Variants in BRAF observed in about 807,000 individuals in gnomAD.
BRAF encodes the protein B-Raf proto-oncogene, serine/threonine kinase.
Under a neutral mutation model 104.6 loss-of-function variants are expected in BRAF, and 16 were observed. That is an observed-to-expected ratio of 0.15 (90% CI 0.10 to 0.23). The LOEUF is 0.23. BRAF is among the 10% of genes least tolerant of loss of function. The probability of loss-of-function intolerance (pLI) is 1.00; values close to 1 mark genes in which losing one functional copy is unlikely to be tolerated. For missense variants in BRAF, 541 were observed against 937.3 expected (o/e 0.58, Z 5.52); for synonymous variants, 310 against 341.6 (o/e 0.91, Z 1.02).
At chr7:140,853,966 A>T (rs182631202) in intron 1 of BRAF, among the ~76,000 whole-genome samples, 13 of 151,222 alleles carry the variant, frequency 8.6e-5, no homozygotes, top group Admixed American at 2.0e-4. Context: ...ATATTTGTTT[A>T]AAAAAAAATG....
chr7:140,760,809 T>C (rs556990142), intron 14 of BRAF, among the ~76,000 whole-genome samples: 1 of 151,450 alleles, frequency 6.6e-6, no homozygotes, highest in East Asian at 1.9e-4. Flanking sequence ...ATGAAATGAA[T>C]GAAATGAAGC....
At chr7:140,918,968 T>C (rs1321119960) in intron 1 of BRAF, among the ~76,000 whole-genome samples, 1 of 151,482 alleles carries the variant, frequency 6.6e-6, no homozygotes, top group African/African-American at 2.4e-5. Flanking sequence ...TGAAACCCCG[T>C]CTCTACTAAA....
rs980547106 is a variant in BRAF at position 140,797,917 on chromosome 7, C to T, written c.980+2445G>A. On this transcript the variant is annotated intron_variant, in intron 7 of 19. Coordinates refer to ENST00000644969, the MANE Select transcript of BRAF (RefSeq NM_001374258.1). ...TGCACACAAGTAGTGATAGAGCCAA[C>T]GGGAATAAAATGACTCCACTAGAAG... Among the ~76,000 whole-genome samples the T allele has an allele frequency of 3.3e-5, 5 of 152,134 alleles. No individual in the cohort carries two copies. In the East Asian group the frequency reaches 5.8e-4, roughly 18 times the overall value.
At chr7:140,923,648 T>A (rs1818510208) in intron 1 of BRAF, among the ~76,000 whole-genome samples, 1 of 152,198 alleles carries the variant, frequency 6.6e-6, no homozygotes. Context: ...AAGAGCCAAG[T>A]GAAACCTGAT....
At chr7:140,772,570 A>T (rs936053505) in intron 14 of BRAF, among the ~76,000 whole-genome samples, 2 of 151,824 alleles carry the variant, frequency 1.3e-5, no homozygotes, top group African/African-American at 4.8e-5. Flanking sequence ...GAGCTGAGAG[A>T]GTGTCGCTGC....
chr7:140,882,371 C>CTTTTTT (rs1232247923), intron 1 of BRAF, among the ~76,000 whole-genome samples: 1 of 126,644 alleles, frequency 7.9e-6, no homozygotes, highest in East Asian at 2.3e-4. Flanking sequence ...ATCAAAGTAT[C>CTTTTTT]TTTTTTTTTT....
chr7:140,787,802 T>A (rs1284616682), intron 8 of BRAF, among the ~76,000 whole-genome samples: 1 of 152,204 alleles, frequency 6.6e-6, no homozygotes, highest in Non-Finnish European at 1.5e-5. Flanking sequence ...GAAACAATTA[T>A]TAGTCCTAAT....
intron 18 of BRAF, among the ~76,000 whole-genome samples, chr7:140,738,806 G>A (rs921944853): frequency 1.8e-4 from 27 of 151,806 alleles, no homozygotes; most frequent in Admixed American, 1.7e-3. Flanking sequence ...TAGTAGAGAC[G>A]GTTTTCACCA....
chr7:140,869,642 A>G, intron 1 of BRAF, among the ~76,000 whole-genome samples: 1 of 151,862 alleles, frequency 6.6e-6, no homozygotes, highest in East Asian at 1.9e-4. Context: ...CAAACAAAAA[A>G]AAAAAAAGAA....
In BRAF at chr7:140,912,030, A is replaced by G. The variant is rs537868393; in HGVS notation, c.138+12536T>C. Reference sequence around the variant, plus strand: ...AATAACTTAATATTGCCATTAGCCTATAGTCCTGGCTACTCGGGAAGCTGA... The same window carrying G: ...AATAACTTAATATTGCCATTAGCCTGTAGTCCTGGCTACTCGGGAAGCTGA... On this transcript the variant is annotated intron_variant, in intron 1 of 19. Transcript: ENST00000644969. 1.1e-4 allele frequency among the ~76,000 whole-genome samples: 16 copies of G among 152,322 alleles called. No homozygotes were observed. The South Asian group carries it at 1.5e-3, about 14-fold the overall frequency.
chr7:140,798,422 A>G (rs1002337136), intron 7 of BRAF, among the ~76,000 whole-genome samples: 7 of 150,750 alleles, frequency 4.6e-5, no homozygotes, highest in Admixed American at 4.6e-4. Context: ...ACGCCCGGCT[A>G]ATTTTGTTTT....
intron 1 of BRAF, among the ~76,000 whole-genome samples, chr7:140,892,325 T>C (rs1050950011): frequency 6.6e-6 from 1 of 152,180 alleles, no homozygotes; most frequent in East Asian, 1.9e-4. Flanking sequence ...ACTATGCTAA[T>C]ATCCAATTAT....
chr7:140,924,750 G>C lies in BRAF; in HGVS notation c.-47C>G, dbSNP rs1257000984. ...CCGAGCGGCCGCTGTCGGGCGGGGA[G>C]GGGGAAGGGAGGCGGAGAGCTGGGG... On this transcript the variant is annotated 5_prime_UTR_variant, in exon 1 of 20. Coordinates refer to ENST00000644969, the MANE Select transcript of BRAF (RefSeq NM_001374258.1). This position sits in a 1 kb window ranked among gnomAD's most constrained non-coding sequence, Gnocchi z 4.2. 1.4e-6 allele frequency: 1 copy of C among 704,596 alleles called. No individual in the cohort carries two copies. Among genetic ancestry groups the C allele is most frequent in the Non-Finnish European group, 2.4e-6 (1 of 417,508 alleles). 43.6% of individuals were successfully genotyped at this position (704,596 alleles called of 1,614,324 possible). A position where few individuals can be genotyped will look rare whatever the true frequency, so the allele number is the denominator to read the frequency against.
At chr7:140,790,168 A>T (rs1172907831) in intron 8 of BRAF, among the ~76,000 whole-genome samples, 2 of 152,210 alleles carry the variant, frequency 1.3e-5, no homozygotes, top group African/African-American at 4.8e-5. Context: ...GAACTACAAG[A>T]CAAAGGCCAT....
At chr7:140,866,746 T>C (rs1811008842) in intron 1 of BRAF, among the ~76,000 whole-genome samples, 1 of 152,084 alleles carries the variant, frequency 6.6e-6, no homozygotes, top group South Asian at 2.1e-4. Flanking sequence ...CATGACCTAG[T>C]GTAAGTAATG....
At chr7:140,761,532 A>G (rs1389491692) in intron 14 of BRAF, among the ~76,000 whole-genome samples, 1 of 152,110 alleles carries the variant, frequency 6.6e-6, no homozygotes, top group Non-Finnish European at 1.5e-5. Context: ...AAATTCACAC[A>G]TAACAATATT....
chr7:140,918,628 C>CA (rs1817875873), intron 1 of BRAF, among the ~76,000 whole-genome samples: 1 of 152,118 alleles, frequency 6.6e-6, no homozygotes, highest in Non-Finnish European at 1.5e-5. Context: ...CTGTTGCAGC[C>CA]AATTTGGCTG....
Position 140,720,865 on chromosome 7 carries a change from G to A in BRAF, c.*5629C>T, listed in dbSNP as rs910307240. 11 of 1,062,062 alleles carry A rather than the reference G, an allele frequency of 1.0e-5. No individual in the cohort carries two copies. In the East Asian group the frequency reaches 1.5e-4, roughly 14 times the overall value. 65.8% of individuals were successfully genotyped at this position (1,062,062 alleles called of 1,614,324 possible). A position where few individuals can be genotyped will look rare whatever the true frequency, so the allele number is the denominator to read the frequency against. Reference sequence around the variant, plus strand: ...TTCATCAAAACCCCCAATCCCACCCGTCAACAGACCCTTCCTTTGCGGCAT... The same window carrying A: ...TTCATCAAAACCCCCAATCCCACCCATCAACAGACCCTTCCTTTGCGGCAT... On this transcript the variant is annotated 3_prime_UTR_variant, in exon 20 of 20. Transcript: ENST00000644969.
chr7:140,795,480 T>A (rs1802406360), intron 7 of BRAF, among the ~76,000 whole-genome samples: 1 of 152,222 alleles, frequency 6.6e-6, no homozygotes, highest in Admixed American at 6.5e-5. Context: ...TATTAGTGGT[T>A]ACTAAGACAC....
Sources: allele counts gnomAD v4.1 joint callset (sites outside exome capture counted in the v4.1 genomes callset), GRCh38; gene constraint gnomAD v4.1.1; non-coding constraint Gnocchi (gnomAD v3.1); transcripts MANE v1.5; gene names NCBI Gene and HGNC (gene_info 2026-07-23, HGNC 2026-07-21).